Variants in NEDD4L observed in about 807,000 individuals in gnomAD.
NEDD4L encodes NEDD4 like E3 ubiquitin protein ligase.
In NEDD4L, 54 loss-of-function variants were observed where a neutral mutation model predicts 148.9. The observed-to-expected ratio is 0.36, with a 90% CI of 0.29 to 0.45. The LOEUF is 0.45. Among genes scored for constraint, NEDD4L ranks in the 20% least tolerant of loss-of-function variants. NEDD4L has a pLI of 1.00. For missense variants in NEDD4L, 856 were observed against 1,233.8 expected (o/e 0.69, Z 4.59); for synonymous variants, 433 against 440.7 (o/e 0.98, Z 0.22).
intron 1 of NEDD4L, among the ~76,000 whole-genome samples, chr18:58,084,213 A>G (rs1192471537): frequency 8.5e-5 from 13 of 152,224 alleles, no homozygotes; most frequent in Admixed American, 8.5e-4. Flanking sequence ...GCAAATCCAC[A>G]GAGACGGAAA....
At chr18:58,297,612 C>T (rs2055836131) in intron 5 of NEDD4L, among the ~76,000 whole-genome samples, 1 of 152,058 alleles carries the variant, frequency 6.6e-6, no homozygotes. Flanking sequence ...GAAAACTGGC[C>T]CACAGATTTA....
intron 9 of NEDD4L, among the ~76,000 whole-genome samples, chr18:58,325,463 T>C (rs945890597): frequency 3.9e-5 from 6 of 152,244 alleles, no homozygotes; most frequent in Non-Finnish European, 5.9e-5. Context: ...CTTAGACTTA[T>C]TTTACATTTG....
intron 2 of NEDD4L, among the ~76,000 whole-genome samples, chr18:58,177,413 C>A (rs1238623476): frequency 1.3e-5 from 2 of 152,136 alleles, no homozygotes; most frequent in Non-Finnish European, 2.9e-5. Flanking sequence ...ACCAACCAAG[C>A]CTTCAGGAAC....
chr18:58,161,989 G>A (rs2036275911), intron 1 of NEDD4L, among the ~76,000 whole-genome samples: 1 of 152,132 alleles, frequency 6.6e-6, no homozygotes, highest in South Asian at 2.1e-4. Flanking sequence ...CTGTGGAATA[G>A]CTAGCATGTT....
chr18:58,256,418 C>G lies in NEDD4L; in HGVS notation c.297+4364C>G, dbSNP rs2048573972. On this transcript the variant is annotated intron_variant, in intron 5 of 30. Coordinates refer to ENST00000400345, the MANE Select transcript of NEDD4L (RefSeq NM_001144967.3). The surrounding 1 kb of genome is among the most constrained non-coding windows in gnomAD (Gnocchi z 5.2). Reference sequence around the variant, plus strand: ...AGGCGCTTCGGGGCCAGGCAGCGACCTCAACTTTGGCTTCACGGGCACAAA... The same window carrying G: ...AGGCGCTTCGGGGCCAGGCAGCGACGTCAACTTTGGCTTCACGGGCACAAA... 1 of 1,232,236 alleles carries G rather than the reference C, an allele frequency of 8.1e-7. No individual in the cohort carries two copies. Among genetic ancestry groups the G allele is most frequent in the African/African-American group, 1.6e-5 (1 of 64,450 alleles). The allele number at this position is 1,232,236 out of a possible 1,614,324, so 76.3% of individuals were successfully genotyped here. A position where few individuals can be genotyped will look rare whatever the true frequency, so the allele number is the denominator to read the frequency against.
chr18:58,374,709 G>A (rs891230134), intron 24 of NEDD4L, among the ~76,000 whole-genome samples: 1 of 151,070 alleles, frequency 6.6e-6, no homozygotes, highest in Admixed American at 6.6e-5. Flanking sequence ...CACCTGCAAG[G>A]CACAGTGCCT....
intron 5 of NEDD4L, among the ~76,000 whole-genome samples, chr18:58,311,136 A>C (rs2057651875): frequency 6.6e-6 from 1 of 152,196 alleles, no homozygotes; most frequent in African/African-American, 2.4e-5. Context: ...ATGGCACACA[A>C]AAAGAAATTA....
At chr18:58,373,085 G>C in intron 23 of NEDD4L, 89 bp from the exon 24 acceptor site, 1 of 742,966 alleles carries the variant, frequency 1.3e-6, no homozygotes, top group Non-Finnish European at 2.4e-6. Flanking sequence ...ATTCTGCACA[G>C]AATTACATTA....
At position 58,235,467 on chromosome 18, in the gene NEDD4L, C is replaced by G. The variant is rs547142491; in HGVS notation, c.123-9960C>G. Among the ~76,000 whole-genome samples the G allele has an allele frequency of 3.9e-5, 6 of 152,260 alleles. No individual in the cohort carries two copies. The South Asian group carries it at 1.2e-3, about 32-fold the overall frequency. ...GGTGACAGTGGAAGTGAAGTGCAAGCCGAGTCCTGGGAACCAATGTCTGCC... is the reference window on the plus strand; with the variant it reads ...GGTGACAGTGGAAGTGAAGTGCAAGGCGAGTCCTGGGAACCAATGTCTGCC... On this transcript the variant is annotated intron_variant, in intron 2 of 30. Coordinates refer to ENST00000400345, the MANE Select transcript of NEDD4L (RefSeq NM_001144967.3).
At chr18:58,276,442 C>T (rs951674577) in intron 5 of NEDD4L, among the ~76,000 whole-genome samples, 2 of 151,946 alleles carry the variant, frequency 1.3e-5, no homozygotes, top group East Asian at 1.9e-4. Flanking sequence ...CTCCTGACCT[C>T]GGGTAATCTG....
intron 1 of NEDD4L, among the ~76,000 whole-genome samples, chr18:58,102,744 G>A (rs1007692164): frequency 1.3e-5 from 2 of 152,092 alleles, no homozygotes; most frequent in African/African-American, 4.8e-5. Flanking sequence ...GTATATGAGA[G>A]GGTGTGTGTA....
intron 1 of NEDD4L, among the ~76,000 whole-genome samples, chr18:58,110,112 C>T (rs2145645838): frequency 6.6e-6 from 1 of 152,290 alleles, no homozygotes; most frequent in South Asian, 2.1e-4. Context: ...AGATAGTTGG[C>T]ATCAAGATGG....
intron 1 of NEDD4L, among the ~76,000 whole-genome samples, chr18:58,072,166 A>T (rs1156254718): frequency 6.6e-6 from 1 of 152,256 alleles, no homozygotes; most frequent in Non-Finnish European, 1.5e-5. Context: ...ACTGGGTCAC[A>T]TGGTTTACTG....
At chr18:58,331,402 G>C (rs2059777153) in intron 11 of NEDD4L, among the ~76,000 whole-genome samples, 1 of 152,194 alleles carries the variant, frequency 6.6e-6, no homozygotes, top group South Asian at 2.1e-4. Context: ...TCCAAGACAA[G>C]GTTTGAGTGG....
intron 1 of NEDD4L, among the ~76,000 whole-genome samples, chr18:58,093,149 G>A (rs2084182798): frequency 6.6e-6 from 1 of 152,114 alleles, no homozygotes; most frequent in African/African-American, 2.4e-5. Flanking sequence ...GTGTCACTTA[G>A]GCAACAGGAC....
In NEDD4L at chr18:58,305,428, T is replaced by C. The variant is rs115420045; in HGVS notation, c.298-10554T>C. Among the ~76,000 whole-genome samples, 418 of 152,344 alleles carry C rather than the reference T, an allele frequency of 2.7e-3. 1 individual carries two copies. Among genetic ancestry groups the C allele is most frequent in the African/African-American group, 8.9e-3 (370 of 41,574 alleles). ...TGAGGTGAGGCCTGGGTACAGTGAT[T>C]TGAGAACTTTGCAGGGATTCCAGTG... On this transcript the variant is annotated intron_variant, in intron 5 of 30. Coordinates refer to ENST00000400345, the MANE Select transcript of NEDD4L (RefSeq NM_001144967.3).
intron 1 of NEDD4L, among the ~76,000 whole-genome samples, chr18:58,136,130 A>AG (rs1216594251): frequency 1.3e-5 from 2 of 152,176 alleles, no homozygotes; most frequent in Middle Eastern, 6.8e-3. Flanking sequence ...TCACATGCTG[A>AG]GGGTGTTTCA....
chr18:58,149,464 A>G, intron 1 of NEDD4L: 1 of 1,548,760 alleles, frequency 6.5e-7, no homozygotes. Context: ...CATACTCTTC[A>G]GAACTTGCTC....
chr18:58,358,252 G>A (rs1165165719), intron 19 of NEDD4L, among the ~76,000 whole-genome samples: 1 of 152,110 alleles, frequency 6.6e-6, no homozygotes, highest in Admixed American at 6.5e-5. Flanking sequence ...GTTACTTGTT[G>A]GATTTGTTTA....
Sources: gnomAD v4.1 joint callset for allele counts (sites outside exome capture counted in the v4.1 genomes callset) on GRCh38, gnomAD v4.1.1 for gene constraint, Gnocchi (gnomAD v3.1) non-coding constraint, MANE v1.5 for transcripts, NCBI Gene and HGNC (gene_info 2026-07-23, HGNC 2026-07-21) for gene names.